Variants in GUCY1B1 observed in about 807,000 individuals in gnomAD.
GUCY1B1 encodes guanylate cyclase soluble subunit beta-1.
Under a neutral mutation model 71.0 loss-of-function variants are expected in GUCY1B1, and 43 were observed. That is an observed-to-expected ratio of 0.61 (90% CI 0.47 to 0.78). The LOEUF (loss-of-function observed/expected upper bound fraction) is 0.78. Ranked by LOEUF, GUCY1B1 falls within the 30% of genes least tolerant of loss-of-function variation. GUCY1B1 has a pLI of 0.00. For missense variants in GUCY1B1, 535 were observed against 754.1 expected (o/e 0.71, Z 3.40); for synonymous variants, 266 against 259.7 (o/e 1.02, Z -0.23).
At chr4:155,790,688 A>G (rs780690461) in intron 5 of GUCY1B1, among the ~76,000 whole-genome samples, 11 of 152,220 alleles carry the variant, frequency 7.2e-5, no homozygotes, top group Non-Finnish European at 1.0e-4. Context: ...TAGAAAACCT[A>G]TTAGACAGTT....
At chr4:155,800,169 C>A (rs1166284788) in intron 9 of GUCY1B1, 95 bp downstream of exon 9, 2 of 699,066 alleles carry the variant, frequency 2.9e-6, no homozygotes, top group African/African-American at 1.8e-5. Flanking sequence ...AGCCATGTGA[C>A]CTGTAATAGC....
intron 2 of GUCY1B1, among the ~76,000 whole-genome samples, chr4:155,766,331 T>A (rs1737331765): frequency 6.6e-6 from 1 of 152,164 alleles, no homozygotes; most frequent in African/African-American, 2.4e-5. Flanking sequence ...GTTATATATA[T>A]TTAAGGTGCA....
chr4:155,804,413 G>T (rs1273659687), intron 11 of GUCY1B1, among the ~76,000 whole-genome samples, 180 bp from the exon 12 acceptor site: 1 of 151,936 alleles, frequency 6.6e-6, no homozygotes, highest in African/African-American at 2.4e-5. Context: ...CCTAATACGT[G>T]CGGGGCTTAA....
intron 4 of GUCY1B1, among the ~76,000 whole-genome samples, chr4:155,784,316 T>C (rs1301149237): frequency 6.6e-6 from 1 of 152,146 alleles, no homozygotes; most frequent in East Asian, 1.9e-4. Flanking sequence ...GCAGGAAAAG[T>C]ATTATGAAAG....
At chr4:155,785,474 A>C in intron 4 of GUCY1B1, 1 of 529,314 alleles carries the variant, frequency 1.9e-6, no homozygotes, top group South Asian at 2.9e-5. Flanking sequence ...TTTTGATATG[A>C]AACTCTTATT....
In GUCY1B1 at chr4:155,769,072, C is replaced by T. The variant is rs557471531; in HGVS notation, c.78-5896C>T. Among the ~76,000 whole-genome samples, 186 of 152,254 alleles carry T rather than the reference C, an allele frequency of 1.2e-3. 1 individual carries two copies. Among genetic ancestry groups the T allele is most frequent in the Non-Finnish European group, 3.4e-4 (23 of 68,000 alleles). On this transcript the variant is annotated intron_variant, in intron 2 of 13. Transcript: ENST00000264424. Reference sequence around the variant, plus strand: ...CCTTTTTCCCTTCTTCCTTCATCTTCTCCAACTACTATAACTTACCAGTTA... The same window carrying T: ...CCTTTTTCCCTTCTTCCTTCATCTTTTCCAACTACTATAACTTACCAGTTA...
Position 155,802,716 on chromosome 4 carries a change from C to A in GUCY1B1, c.1413+137C>A. ...TACAGTGAGCCTCCATGTATTCACT[C>A]TTTACCATGTTCTTAAATAATTGCC... On this transcript the variant is annotated intron_variant, in intron 10 of 13. Transcript: ENST00000264424. The surrounding 1 kb of genome is among the most constrained non-coding windows in gnomAD (Gnocchi z 4.3). 1.5e-6 allele frequency: 1 copy of A among 656,082 alleles called. No individual in the cohort carries two copies. Among genetic ancestry groups the A allele is most frequent in the Non-Finnish European group, 2.6e-6 (1 of 391,094 alleles). The allele number at this position is 656,082 out of a possible 1,614,324, so 40.6% of individuals were successfully genotyped here.
chr4:155,789,306 G>C (rs1382043719), intron 4 of GUCY1B1, among the ~76,000 whole-genome samples: 1 of 152,222 alleles, frequency 6.6e-6, no homozygotes, highest in African/African-American at 2.4e-5. Context: ...TAGAATTGCA[G>C]TATAAACAGA....
At chr4:155,800,127 T>C (rs1014714954) in intron 9 of GUCY1B1, 53 bp downstream of exon 9, 5 of 1,237,046 alleles carry the variant, frequency 4.0e-6, no homozygotes, top group Non-Finnish European at 5.6e-6. Flanking sequence ...AATGTGACTC[T>C]ACTATATTTA....
At position 155,759,767 on chromosome 4, in the gene GUCY1B1, G is replaced by A; in HGVS notation, c.4-20G>A. 6.3e-7 allele frequency: 1 copy of A among 1,598,238 alleles called. No homozygotes were observed. Among genetic ancestry groups the A allele is most frequent in the African/African-American group, 1.3e-5 (1 of 74,700 alleles). ...GGTACAGCGGGTCCCTGACGCTCAAGTCTCTCCCTGTCCCCGCAGTACGGA... is the reference window on the plus strand; with the variant it reads ...GGTACAGCGGGTCCCTGACGCTCAAATCTCTCCCTGTCCCCGCAGTACGGA... On this transcript the variant is annotated intron_variant, in intron 1 of 13. Coordinates refer to ENST00000264424, the MANE Select transcript of GUCY1B1 (RefSeq NM_000857.5).
intron 12 of GUCY1B1, 106 bp from the exon 13 acceptor site, chr4:155,804,997 C>A: frequency 1.0e-6 from 1 of 991,792 alleles, no homozygotes; most frequent in Non-Finnish European, 1.5e-6. Context: ...TTCAGTACAA[C>A]TTCAGCATTT....
chr4:155,759,366 C>T, intron 1 of GUCY1B1: 2 of 555,142 alleles, frequency 3.6e-6, no homozygotes, highest in South Asian at 2.3e-5. Flanking sequence ...GCGGGTTTGC[C>T]GCTCCACACC....
chr4:155,763,599 A>C (rs574719474), intron 2 of GUCY1B1, among the ~76,000 whole-genome samples: 1 of 151,850 alleles, frequency 6.6e-6, no homozygotes, highest in East Asian at 1.9e-4. Flanking sequence ...TTTTGTTTTT[A>C]TTTTCCTGCC....
chr4:155,761,809 A>T (rs1296050825), intron 2 of GUCY1B1, among the ~76,000 whole-genome samples: 3 of 152,252 alleles, frequency 2.0e-5, no homozygotes, highest in Non-Finnish European at 4.4e-5. Flanking sequence ...TGTCTAAAGG[A>T]TAAAAATTCC....
chr4:155,771,919 A>C (rs986181164), intron 2 of GUCY1B1, among the ~76,000 whole-genome samples: 1 of 152,200 alleles, frequency 6.6e-6, no homozygotes, highest in Admixed American at 6.5e-5. Context: ...AGTATGTTCT[A>C]TATATAAGTA....
intron 2 of GUCY1B1, among the ~76,000 whole-genome samples, chr4:155,771,809 C>A (rs1323710443): frequency 2.0e-5 from 3 of 152,056 alleles, no homozygotes; most frequent in African/African-American, 7.2e-5. Flanking sequence ...ACCAAGACTT[C>A]AATATGTCTA....
chr4:155,806,406 C>G lies in GUCY1B1; in HGVS notation c.1857C>G (p.Asp619Glu), dbSNP rs1020637877. 18 of 1,604,454 alleles carry G rather than the reference C, an allele frequency of 1.1e-5. No homozygotes were observed. The highest frequency in any genetic ancestry group is 1.5e-5 in the Non-Finnish European group (17 of 1,171,946). The change falls in exon 14 of 14, where the codon GAC becomes GAG. Residue 619 changes from aspartate (D) to glutamate (E), a missense_variant. Asp to Glu is a conservative substitution (Grantham distance 45). Coordinates refer to ENST00000264424, the MANE Select transcript of GUCY1B1 (RefSeq NM_000857.5). ...TTAAGGAAACAAAGCAGGATGATGA[C>G]TGAATCTTGGATTATGGGGTGAAGA... Reference protein sequence around the residue: ...TGTEETKQDDD With the variant: ...TGTEETKQDDE
intron 10 of GUCY1B1, among the ~76,000 whole-genome samples, chr4:155,803,025 T>C (rs192536766): frequency 6.6e-6 from 1 of 152,322 alleles, no homozygotes; most frequent in East Asian, 1.9e-4. Context: ...GATAAACATT[T>C]ATAAGGCGTT....
At chr4:155,776,188 A>AG (rs897266128) in intron 3 of GUCY1B1, among the ~76,000 whole-genome samples, 1 of 152,190 alleles carries the variant, frequency 6.6e-6, no homozygotes, top group African/African-American at 2.4e-5. Flanking sequence ...AACTTTTTTG[A>AG]GAACAATTTT....
Sources: gnomAD v4.1 joint callset for allele counts (sites outside exome capture counted in the v4.1 genomes callset) on GRCh38, gnomAD v4.1.1 for gene constraint, Gnocchi (gnomAD v3.1) non-coding constraint, MANE v1.5 for transcripts, NCBI Gene and HGNC (gene_info 2026-07-23, HGNC 2026-07-21) for gene names.